Variants in RIPK1 observed in about 807,000 individuals in gnomAD.
RIPK1 encodes the protein receptor-interacting serine/threonine-protein kinase 1.
In RIPK1, 27 loss-of-function variants were observed where a neutral mutation model predicts 62.4. The ratio of observed to expected loss-of-function variants is 0.43; its 90% confidence interval spans 0.32 to 0.60. The LOEUF (loss-of-function observed/expected upper bound fraction) is 0.60, where lower values mean the gene tolerates loss of function less well. Among genes scored for constraint, RIPK1 ranks in the 20% least tolerant of loss-of-function variants. RIPK1 has a pLI of 0.07. For missense variants in RIPK1, 735 were observed against 831.0 expected (o/e 0.88, Z 1.42); for synonymous variants, 287 against 303.2 (o/e 0.95, Z 0.55).
Position 3,072,056 on chromosome 6 carries a change from T to C in RIPK1, c.-61+3395T>C, listed in dbSNP as rs548710617. Among the ~76,000 whole-genome samples the C allele has an allele frequency of 1.8e-4, 28 of 152,362 alleles. No individual in the cohort carries two copies. Among genetic ancestry groups the C allele is most frequent in the South Asian group, 1.4e-3 (7 of 4,830 alleles). ...ACTGCTAGATATATTTCAGTGTTGA[T>C]GGGCATAACTGATTCTCTCCTCTGT... On this transcript the variant is annotated intron_variant, in intron 1 of 10. Transcript: ENST00000259808. This position sits in a 1 kb window ranked among gnomAD's most constrained non-coding sequence, Gnocchi z 5.6.
chr6:3,073,241 ATATCATATAT>A, intron 1 of RIPK1, among the ~76,000 whole-genome samples: 1 of 125,366 alleles, frequency 8.0e-6, no homozygotes, highest in Non-Finnish European at 1.7e-5. Context: ...ATACATTTTT[ATATCATATAT>A]TATATATTAC....
intron 1 of RIPK1, among the ~76,000 whole-genome samples, chr6:3,071,037 T>G (rs1031133284): frequency 4.6e-5 from 7 of 152,264 alleles, no homozygotes; most frequent in African/African-American, 9.6e-5. Flanking sequence ...GATGCTTGTT[T>G]AAACTCTGTT....
intron 5 of RIPK1, 27 bp downstream of exon 5, chr6:3,083,340 C>T (rs368907511): frequency 3.1e-5 from 49 of 1,575,582 alleles, no homozygotes; most frequent in Middle Eastern, 1.9e-4. Flanking sequence ...TTTCCACTGC[C>T]GTCCCCTCAG....
rs1469458388 is a variant in RIPK1 at position 3,076,813 on chromosome 6, T to C, written c.-11T>C. On this transcript the variant is annotated 5_prime_UTR_variant, in exon 2 of 11. Transcript: ENST00000259808. ...AAAGTGGTACCATTTTGGGCGTTCT[T>C]GAGCTTCAGAATGCAACCAGACATG... 6.2e-7 allele frequency: 1 copy of C among 1,612,036 alleles called. No individual in the cohort carries two copies. Among genetic ancestry groups the C allele is most frequent in the East Asian group, 2.2e-5 (1 of 44,764 alleles).
chr6:3,101,228 G>A (rs1425665717), intron 7 of RIPK1, among the ~76,000 whole-genome samples: 2 of 152,114 alleles, frequency 1.3e-5, no homozygotes, highest in African/African-American at 4.8e-5. Flanking sequence ...ACTCTAGCCT[G>A]GAGGACACAG....
At position 3,113,066 on chromosome 6, in the gene RIPK1, T is replaced by A; in HGVS notation, c.1743T>A (p.Ser581Arg). The change falls in exon 11 of 11, where the codon AGT becomes AGA. Residue 581 changes from serine (S) to arginine (R), a missense_variant. By Grantham distance (110) the Ser-to-Arg change is moderately radical. Transcript: ENST00000259808. The surrounding 1 kb of genome is among the most constrained non-coding windows in gnomAD (Gnocchi z 5.0). The stretch of plus-strand genomic sequence containing the variant: ...CCCATTTGGCAGATAATACCACTAG[T>A]CTGACGGATAAACACCTGGACCCAA... Reference protein sequence around the residue: ...KYQAIFDNTTSLTDKHLDPIR... With the variant: ...KYQAIFDNTTRLTDKHLDPIR... The A allele has an allele frequency of 6.4e-7, 1 of 1,563,860 alleles. No homozygotes were observed. The highest frequency in any genetic ancestry group is 8.7e-7 in the Non-Finnish European group (1 of 1,152,858).
At chr6:3,066,180 C>T (rs1041897643), upstream of RIPK1, among the ~76,000 whole-genome samples, 5 of 152,176 alleles carry the variant, frequency 3.3e-5, no homozygotes, top group Admixed American at 6.5e-5. Flanking sequence ...TGCACCACCA[C>T]GCCCAGCTAA....
intron 10 of RIPK1, among the ~76,000 whole-genome samples, chr6:3,111,423 C>A (rs1761150054): frequency 6.6e-6 from 1 of 151,880 alleles, no homozygotes; most frequent in African/African-American, 2.4e-5. Flanking sequence ...GCCCATAATG[C>A]TAATCCCAAA....
At position 3,087,559 on chromosome 6, in the gene RIPK1, CTT is replaced by C. The variant is rs57546727; in HGVS notation, c.839-2009_839-2008del. Among the ~76,000 whole-genome samples the C allele has an allele frequency of 2.1e-3, 296 of 140,296 alleles. 1 individual carries two copies. The highest frequency in any genetic ancestry group is 6.1e-3 in the African/African-American group (234 of 38,372). 92.0% of individuals were successfully genotyped at this position (140,296 alleles called of 152,430 possible). On this transcript the variant is annotated intron_variant, in intron 6 of 10. Transcript: ENST00000259808. ...TCCACAGTTGAACCTGTCTACTGAGCTTTTTTTTTTTTTTGACACGGACTCTC... is the reference window on the plus strand; with the variant it reads ...TCCACAGTTGAACCTGTCTACTGAGCTTTTTTTTTTTTGACACGGACTCTC...
chr6:3,064,679 C>T (rs73718954), upstream of RIPK1, among the ~76,000 whole-genome samples: 1,247 of 152,198 alleles, frequency 8.2e-3, 18 homozygotes, highest in African/African-American at 0.028. Flanking sequence ...AGAGAACCTC[C>T]TCTAGGGTGG....
chr6:3,110,359 C>T (rs1761094191), intron 9 of RIPK1, among the ~76,000 whole-genome samples: 1 of 152,064 alleles, frequency 6.6e-6, no homozygotes, highest in Non-Finnish European at 1.5e-5. Context: ...CAGGCACCCA[C>T]CACCACGCCT....
chr6:3,074,451 T>C (rs2113563256), intron 1 of RIPK1, among the ~76,000 whole-genome samples: 1 of 152,358 alleles, frequency 6.6e-6, no homozygotes, highest in Non-Finnish European at 1.5e-5. Context: ...GATGGGCAGC[T>C]GTTTCCAGTT....
intron 5 of RIPK1, 147 bp downstream of exon 5, chr6:3,083,460 T>G: frequency 1.5e-6 from 1 of 662,690 alleles, no homozygotes; most frequent in Non-Finnish European, 2.6e-6. Context: ...GGAACCTCGA[T>G]AGTGTGTCAT....
chr6:3,111,700 C>T (rs1350531174), intron 10 of RIPK1, among the ~76,000 whole-genome samples: 1 of 151,894 alleles, frequency 6.6e-6, no homozygotes, highest in Non-Finnish European at 1.5e-5. Flanking sequence ...AGATTTGGCC[C>T]ACAGGCCATA....
chr6:3,113,366 T>C lies in RIPK1; in HGVS notation c.*27T>C, dbSNP rs755143931. On this transcript the variant is annotated 3_prime_UTR_variant, in exon 11 of 11. Transcript: ENST00000259808. This position sits in a 1 kb window ranked among gnomAD's most constrained non-coding sequence, Gnocchi z 5.0. The stretch of plus-strand genomic sequence containing the variant: ...CCTGGATGGGCTACGGCAGCTGAAG[T>C]GGACGCCTCACTTAGTGGATAACCC... 12 of 1,597,492 alleles carry C rather than the reference T, an allele frequency of 7.5e-6. No individual in the cohort carries two copies. The South Asian group carries it at 1.3e-4, about 18-fold the overall frequency.
intron 10 of RIPK1, 84 bp downstream of exon 10, chr6:3,111,039 C>T: frequency 1.0e-6 from 1 of 953,466 alleles, no homozygotes. Flanking sequence ...CTTAAAATTT[C>T]TCTGATAATT....
At chr6:3,097,579 C>CA (rs1760381401) in intron 7 of RIPK1, among the ~76,000 whole-genome samples, 1 of 151,838 alleles carries the variant, frequency 6.6e-6, no homozygotes, top group Non-Finnish European at 1.5e-5. Flanking sequence ...TACACCATAC[C>CA]AAAAAATCAG....
rs537231657 is a variant in RIPK1 at position 3,105,338 on chromosome 6, G to C, written c.1007-144G>C. The C allele has an allele frequency of 1.6e-6, 1 of 619,484 alleles. No homozygotes were observed. The highest frequency in any genetic ancestry group is 2.8e-6 in the Non-Finnish European group (1 of 353,062). The allele number at this position is 619,484 out of a possible 1,614,324, so 38.4% of individuals were successfully genotyped here. On this transcript the variant is annotated intron_variant, in intron 8 of 10. Coordinates refer to ENST00000259808, the MANE Select transcript of RIPK1 (RefSeq NM_001354930.2). This position sits in a 1 kb window ranked among gnomAD's most constrained non-coding sequence, Gnocchi z 4.5. ...TTATTTGTAAAGCTTGTGGGAAGAG[G>C]ACCATCTCCTAAATGCTTTGGACTG... is the stretch of plus-strand genomic sequence containing the variant.
chr6:3,071,632 T>C (rs1387352996), intron 1 of RIPK1, among the ~76,000 whole-genome samples: 3 of 152,094 alleles, frequency 2.0e-5, no homozygotes, highest in East Asian at 3.9e-4. Context: ...GAATCTTTCA[T>C]GTGGAAAAAA....
Sources: gnomAD v4.1 joint callset for allele counts (sites outside exome capture counted in the v4.1 genomes callset) on GRCh38, gnomAD v4.1.1 for gene constraint, Gnocchi (gnomAD v3.1) non-coding constraint, MANE v1.5 for transcripts, NCBI Gene and HGNC (gene_info 2026-07-23, HGNC 2026-07-21) for gene names.